The following MARCHF3 variants were observed in gnomAD, a reference collection of about 807,000 sequenced individuals.
The protein encoded by MARCHF3 is E3 ubiquitin-protein ligase MARCHF3.
In MARCHF3, 13 loss-of-function variants were observed where a neutral mutation model predicts 24.2. That is an observed-to-expected ratio of 0.54 (90% CI 0.35 to 0.85). The LOEUF is 0.85. MARCHF3 is among the 40% of genes least tolerant of loss of function. The pLI, the probability that MARCHF3 is intolerant of heterozygous loss-of-function variation, is 0.01. For missense variants in MARCHF3, 276 were observed against 325.0 expected (o/e 0.85, Z 1.16); for synonymous variants, 144 against 137.3 (o/e 1.05, Z -0.34).
At chr5:126,988,891 A>G (rs1406437504) in intron 1 of MARCHF3, among the ~76,000 whole-genome samples, 3 of 152,126 alleles carry the variant, frequency 2.0e-5, no homozygotes, top group African/African-American at 7.2e-5. Flanking sequence ...TATATATACT[A>G]TTTTCACAAA....
At chr5:126,888,913 C>T (rs2126773883) in intron 3 of MARCHF3, among the ~76,000 whole-genome samples, 1 of 152,310 alleles carries the variant, frequency 6.6e-6, no homozygotes, top group East Asian at 1.9e-4. Context: ...TACACACATG[C>T]ACCACCACGC....
intron 1 of MARCHF3, among the ~76,000 whole-genome samples, chr5:127,025,349 C>T (rs992247267): frequency 6.6e-6 from 1 of 150,558 alleles, no homozygotes; most frequent in Non-Finnish European, 1.5e-5. Context: ...CAGGGGAAGG[C>T]CTGCTGCTAT....
chr5:127,009,070 C>T (rs188888677), intron 1 of MARCHF3, among the ~76,000 whole-genome samples: 1 of 152,042 alleles, frequency 6.6e-6, no homozygotes, highest in South Asian at 2.1e-4. Flanking sequence ...TAAAGGAAGA[C>T]AGGACCAAAA....
intron 3 of MARCHF3, among the ~76,000 whole-genome samples, chr5:126,886,955 T>C (rs1020242191): frequency 2.6e-5 from 4 of 152,220 alleles, no homozygotes; most frequent in Non-Finnish European, 4.4e-5. Context: ...TGAGTATGTT[T>C]GCACTGCTCT....
chr5:126,918,129 C>G lies in MARCHF3; in HGVS notation c.43G>C (p.Asp15His). Residue 15 changes from aspartate to histidine, a missense_variant, in exon 2 of 5, where the codon GAC becomes CAC. Asp to His is a moderately conservative substitution (Grantham distance 81). Coordinates refer to ENST00000308660, the MANE Select transcript of MARCHF3 (RefSeq NM_178450.5). Reference sequence around the variant, plus strand: ...ACGGGTGCAGCTGAGCTGGTGCAGTCTGGCAGGACTTCGGGCAGGTGACTG... The same window carrying G: ...ACGGGTGCAGCTGAGCTGGTGCAGTGTGGCAGGACTTCGGGCAGGTGACTG... ...RCSHLPEVLP[D>H]CTSSAAPVVK... 6.2e-7 allele frequency: 1 copy of G among 1,614,128 alleles called. No homozygotes were observed. The highest frequency in any genetic ancestry group is 1.1e-5 in the South Asian group (1 of 91,076).
chr5:127,021,013 G>C (rs746552376), intron 1 of MARCHF3, among the ~76,000 whole-genome samples: 23 of 152,186 alleles, frequency 1.5e-4, no homozygotes, highest in Middle Eastern at 3.4e-3. Context: ...CCTTGATCTT[G>C]AACTTCCCAG....
chr5:126,899,988 T>C (rs1754052417), intron 3 of MARCHF3, among the ~76,000 whole-genome samples: 1 of 152,098 alleles, frequency 6.6e-6, no homozygotes, highest in Non-Finnish European at 1.5e-5. Context: ...GGTTTTGATA[T>C]AATGACATGA....
intron 1 of MARCHF3, among the ~76,000 whole-genome samples, chr5:126,962,834 CGTGT>C (rs10635460): frequency 2.2e-4 from 33 of 147,646 alleles, no homozygotes; most frequent in Admixed American, 5.4e-4. Flanking sequence ...TGTGTGTGTG[CGTGT>C]GTGTGTGTGT....
At chr5:126,890,475 C>T (rs1291264915) in intron 3 of MARCHF3, among the ~76,000 whole-genome samples, 1 of 135,464 alleles carries the variant, frequency 7.4e-6, no homozygotes, top group African/African-American at 2.8e-5. Flanking sequence ...CTGTGATATT[C>T]CCCTTCCTGT....
intron 4 of MARCHF3, among the ~76,000 whole-genome samples, chr5:126,873,362 T>C (rs913520073): frequency 5.6e-5 from 8 of 142,984 alleles, no homozygotes; most frequent in African/African-American, 2.1e-4. Flanking sequence ...GTCTTAAATA[T>C]AAGAAAGAAT....
At chr5:127,002,730 G>GA (rs757215152) in intron 1 of MARCHF3, among the ~76,000 whole-genome samples, 5 of 152,202 alleles carry the variant, frequency 3.3e-5, no homozygotes, top group Non-Finnish European at 7.3e-5. Context: ...TATCACTGCA[G>GA]AACGTTCAGA....
At chr5:127,019,007 C>A (rs1752712909) in intron 1 of MARCHF3, among the ~76,000 whole-genome samples, 1 of 152,070 alleles carries the variant, frequency 6.6e-6, no homozygotes, top group African/African-American at 2.4e-5. Context: ...ATAGCCTATA[C>A]TGCAAAATAA....
intron 1 of MARCHF3, among the ~76,000 whole-genome samples, chr5:127,013,277 T>C (rs1418616468): frequency 6.6e-6 from 1 of 152,162 alleles, no homozygotes; most frequent in African/African-American, 2.4e-5. Flanking sequence ...AACTTCATGC[T>C]GTTTTTCACC....
intron 1 of MARCHF3, among the ~76,000 whole-genome samples, chr5:126,991,111 C>A (rs1200040567): frequency 6.6e-6 from 1 of 152,066 alleles, no homozygotes. Flanking sequence ...ATGTTTATTG[C>A]GGCACTATTC....
At chr5:126,919,917 G>A (rs1749043827) in intron 1 of MARCHF3, among the ~76,000 whole-genome samples, 1 of 152,172 alleles carries the variant, frequency 6.6e-6, no homozygotes, top group Non-Finnish European at 1.5e-5. Flanking sequence ...ACCTGATGTG[G>A]GGGCACAGGC....
At chr5:126,990,562 T>G (rs1729798474) in intron 1 of MARCHF3, among the ~76,000 whole-genome samples, 1 of 152,116 alleles carries the variant, frequency 6.6e-6, no homozygotes, top group South Asian at 2.1e-4. Flanking sequence ...CTAATTAAAC[T>G]AAAGACCTTC....
At chr5:127,000,521 C>T (rs1320774572) in intron 1 of MARCHF3, among the ~76,000 whole-genome samples, 1 of 152,072 alleles carries the variant, frequency 6.6e-6, no homozygotes, top group Non-Finnish European at 1.5e-5. Flanking sequence ...CCAGGGAGAA[C>T]CAGATGCTGC....
intron 1 of MARCHF3, among the ~76,000 whole-genome samples, chr5:126,994,096 C>T (rs1751867499): frequency 6.6e-6 from 1 of 152,092 alleles, no homozygotes; most frequent in South Asian, 2.1e-4. Context: ...TTTATAATGA[C>T]CAATATCTGG....
At chr5:127,016,929 C>T (rs1371129664) in intron 1 of MARCHF3, among the ~76,000 whole-genome samples, 3 of 152,128 alleles carry the variant, frequency 2.0e-5, no homozygotes, top group Non-Finnish European at 2.9e-5. Context: ...GAATACTATG[C>T]AGCCATAAAA....
Sources: allele counts gnomAD v4.1 joint callset (sites outside exome capture counted in the v4.1 genomes callset), GRCh38; gene constraint gnomAD v4.1.1; transcripts MANE v1.5; gene names NCBI Gene and HGNC (gene_info 2026-07-23, HGNC 2026-07-21).